NCKAP5: variants seen among roughly 807,000 people sequenced by gnomAD.
The protein encoded by NCKAP5 is nck-associated protein 5.
In NCKAP5, 92 loss-of-function variants were observed where a neutral mutation model predicts 167.0. That is an observed-to-expected ratio of 0.55 (90% CI 0.47 to 0.66). The LOEUF (loss-of-function observed/expected upper bound fraction) is 0.66. Ranked by LOEUF, NCKAP5 falls within the 30% of genes least tolerant of loss-of-function variation. The pLI is 0.00. For missense variants in NCKAP5, 2,378 were observed against 2,315.0 expected (o/e 1.03, Z -0.56); for synonymous variants, 891 against 877.4 (o/e 1.02, Z -0.27).
chr2:132,689,190 T>G (rs1686393463), intron 19 of NCKAP5, among the ~76,000 whole-genome samples: 1 of 151,900 alleles, frequency 6.6e-6, no homozygotes, highest in Non-Finnish European at 1.5e-5. Context: ...TCACTCTAGA[T>G]TAACCTCATA....
chr2:132,872,303 C>T (rs1414836975), intron 9 of NCKAP5, among the ~76,000 whole-genome samples: 2 of 152,174 alleles, frequency 1.3e-5, no homozygotes, highest in Non-Finnish European at 2.9e-5. Flanking sequence ...GTTTCCTTCT[C>T]AGTAAGAATT....
chr2:133,294,304 T>A (rs1205677460), intron 4 of NCKAP5, among the ~76,000 whole-genome samples: 1 of 152,160 alleles, frequency 6.6e-6, no homozygotes, highest in Non-Finnish European at 1.5e-5. Flanking sequence ...GTCCCCTTAG[T>A]CTACATAAAT....
At chr2:133,512,065 C>T (rs578021256) in intron 3 of NCKAP5, among the ~76,000 whole-genome samples, 4 of 152,270 alleles carry the variant, frequency 2.6e-5, no homozygotes, top group African/African-American at 9.6e-5. Context: ...AAGATCCAGT[C>T]ATATCTGAAG....
chr2:132,808,049 G>C (rs1685568351), intron 11 of NCKAP5, among the ~76,000 whole-genome samples: 2 of 152,064 alleles, frequency 1.3e-5, no homozygotes, highest in African/African-American at 4.8e-5. Context: ...TTTATGTGCT[G>C]TATCACATTT....
chr2:133,269,040 T>C (rs1038591311), intron 4 of NCKAP5: 25 of 152,158 alleles, frequency 1.6e-4, no homozygotes, highest in Non-Finnish European at 7.4e-5. Flanking sequence ...CACAAGAAAT[T>C]GGTAAGTTCT....
chr2:133,183,120 A>G (rs2084803391), intron 5 of NCKAP5, among the ~76,000 whole-genome samples: 1 of 152,142 alleles, frequency 6.6e-6, no homozygotes, highest in African/African-American at 2.4e-5. Flanking sequence ...TTTATAATTT[A>G]AAAATCCACA....
At chr2:133,129,927 T>A (rs1457311376) in intron 6 of NCKAP5, 51 bp downstream of exon 6, 2 of 1,525,818 alleles carry the variant, frequency 1.3e-6, no homozygotes, top group Admixed American at 2.3e-5. Flanking sequence ...GTGTTACTGG[T>A]GCAGAGAGAG....
chr2:133,045,235 T>G (rs2079355004), intron 6 of NCKAP5, among the ~76,000 whole-genome samples: 1 of 152,134 alleles, frequency 6.6e-6, no homozygotes, highest in South Asian at 2.1e-4. Flanking sequence ...CTCCATAAAC[T>G]TCACACACAG....
intron 5 of NCKAP5, among the ~76,000 whole-genome samples, chr2:133,156,685 G>C (rs1441064368): frequency 6.6e-6 from 1 of 151,942 alleles, no homozygotes; most frequent in Non-Finnish European, 1.5e-5. Context: ...TCTATTATTT[G>C]TGACCGGGAT....
chr2:132,997,759 AC>A (rs2077647724), intron 6 of NCKAP5, among the ~76,000 whole-genome samples: 1 of 151,884 alleles, frequency 6.6e-6, no homozygotes, highest in Non-Finnish European at 1.5e-5. Context: ...AGGCAACAAT[AC>A]CATTTCTGAC....
At chr2:133,114,396 A>C (rs1232823202) in intron 6 of NCKAP5, among the ~76,000 whole-genome samples, 1 of 152,190 alleles carries the variant, frequency 6.6e-6, no homozygotes, top group Non-Finnish European at 1.5e-5. Context: ...CCTCCCTCCA[A>C]ATTATTTAAA....
intron 3 of NCKAP5, among the ~76,000 whole-genome samples, chr2:133,514,348 A>G (rs568624944): frequency 6.6e-6 from 1 of 152,328 alleles, no homozygotes; most frequent in South Asian, 2.1e-4. Context: ...GGACATGTAT[A>G]TGTGTGCACA....
intron 4 of NCKAP5, among the ~76,000 whole-genome samples, chr2:133,220,610 T>C (rs1033348918): frequency 3.3e-5 from 5 of 152,130 alleles, no homozygotes; most frequent in Admixed American, 6.5e-5. Context: ...CCTGTGGAAA[T>C]AGTGTTCCCA....
At chr2:133,278,962 T>C (rs950311085) in intron 4 of NCKAP5, among the ~76,000 whole-genome samples, 1 of 152,232 alleles carries the variant, frequency 6.6e-6, no homozygotes, top group Non-Finnish European at 1.5e-5. Context: ...TACGCTGAGA[T>C]ACTATCTCTC....
At chr2:133,091,651 G>A (rs1290851138) in intron 6 of NCKAP5, among the ~76,000 whole-genome samples, 2 of 152,128 alleles carry the variant, frequency 1.3e-5, no homozygotes, top group Admixed American at 6.6e-5. Context: ...ACTTTGGGAG[G>A]CCGAGGTGGG....
chr2:133,618,541 A>C, the NCKAP5 span, among the ~76,000 whole-genome samples: 3 of 149,516 alleles, frequency 2.0e-5, no homozygotes, highest in African/African-American at 4.9e-5. Flanking sequence ...GCAGCCAAAA[A>C]ACACATGAAA....
rs2148813264 is a variant in NCKAP5, at chr2:132,878,853, C to T, written c.643G>A (p.Asp215Asn). 3.1e-6 allele frequency: 5 copies of T among 1,613,282 alleles called. No individual in the cohort carries two copies. The Middle Eastern group carries it at 4.9e-4, about 160-fold the overall frequency. Residue 215 changes from aspartate (D) to asparagine (N), a missense_variant, in exon 9 of 20, where the codon GAT (aspartate) becomes AAT (asparagine). Transcript: ENST00000409261. ...NQREQYERCL[D>N]EVANQVVQAL... ...AGCCTCTCCATCCCCCTTACCTCAT[C>T]AAGACATCGCTCATATTGTTCCCTT...
chr2:133,517,256 A>C (rs1178149688), intron 3 of NCKAP5, among the ~76,000 whole-genome samples: 1 of 152,228 alleles, frequency 6.6e-6, no homozygotes, highest in Non-Finnish European at 1.5e-5. Context: ...ACATTTGCCT[A>C]TTAAGACACT....
At position 133,272,233 on chromosome 2, in the gene NCKAP5, C is replaced by CA. The variant is rs35672685; in HGVS notation, c.143+30803dup. 8.0e-3 allele frequency among the ~76,000 whole-genome samples: 1,164 copies of CA among 144,644 alleles called. 53 individuals are homozygous for CA. Among genetic ancestry groups the CA allele is most frequent in the Admixed American group, 0.071 (1,035 of 14,678 alleles). 94.9% of individuals were successfully genotyped at this position (144,644 alleles called of 152,430 possible). ...TTCAAAGTACCCAAACAAAACAGAACAAAAAAAAATAGAATAAAAGAAATG... is the reference window on the plus strand; with the variant it reads ...TTCAAAGTACCCAAACAAAACAGAACAAAAAAAAAATAGAATAAAAGAAATG... On this transcript the variant is annotated intron_variant, in intron 4 of 19. Coordinates refer to ENST00000409261, the MANE Select transcript of NCKAP5 (RefSeq NM_207363.3).
Sources: allele counts gnomAD v4.1 joint callset (sites outside exome capture counted in the v4.1 genomes callset), GRCh38; gene constraint gnomAD v4.1.1; transcripts MANE v1.5; gene names NCBI Gene and HGNC (gene_info 2026-07-23, HGNC 2026-07-21).